Variants in NFIA observed in about 807,000 individuals in gnomAD.
The protein encoded by NFIA is nuclear factor I A, also known as nuclear factor 1 A-type.
In NFIA, 8 loss-of-function variants were observed where a neutral mutation model predicts 62.8. That is an observed-to-expected ratio of 0.13 (90% CI 0.07 to 0.23). NFIA has a LOEUF of 0.23. Among genes scored for constraint, NFIA ranks in the 10% least tolerant of loss-of-function variants. The probability of loss-of-function intolerance (pLI) is 1.00; values close to 1 mark genes in which losing one functional copy is unlikely to be tolerated. For missense variants in NFIA, 410 were observed against 642.1 expected (o/e 0.64, Z 3.91); for synonymous variants, 235 against 238.1 (o/e 0.99, Z 0.12).
chr1:61,136,928 T>C (rs1190635748), intron 2 of NFIA, among the ~76,000 whole-genome samples: 2 of 152,218 alleles, frequency 1.3e-5, no homozygotes, highest in African/African-American at 4.8e-5. Flanking sequence ...AAATAGTAAG[T>C]ATAGAACACT....
At chr1:61,164,883 C>G (rs1241741200) in intron 2 of NFIA, among the ~76,000 whole-genome samples, 1 of 152,160 alleles carries the variant, frequency 6.6e-6, no homozygotes, top group Non-Finnish European at 1.5e-5. Context: ...AACCCAACTG[C>G]AGGACCTGAA....
At chr1:61,273,166 T>TGTGAGG (rs1657617304) in intron 2 of NFIA, among the ~76,000 whole-genome samples, 1 of 152,196 alleles carries the variant, frequency 6.6e-6, no homozygotes, top group Non-Finnish European at 1.5e-5. Context: ...CAACAGCAGT[T>TGTGAGG]GTGAGGATTT....
At chr1:61,241,011 T>G (rs17377267) in intron 2 of NFIA, among the ~76,000 whole-genome samples, 6,775 of 151,780 alleles carry the variant, frequency 0.045, 216 homozygotes, top group Non-Finnish European at 0.064. Flanking sequence ...TACATGTTTT[T>G]GGTTTATAAT....
intron 2 of NFIA, among the ~76,000 whole-genome samples, chr1:61,260,327 ACTGTT>A: frequency 6.6e-6 from 1 of 152,314 alleles, no homozygotes; most frequent in Non-Finnish European, 1.5e-5. Context: ...AGACTATGTC[ACTGTT>A]CTGTTCTGCA....
At chr1:61,246,904 T>C (rs1344073060) in intron 2 of NFIA, among the ~76,000 whole-genome samples, 6 of 152,230 alleles carry the variant, frequency 3.9e-5, no homozygotes, top group Admixed American at 2.6e-4. Flanking sequence ...TATGACTTTT[T>C]ACAGGCCAGT....
chr1:61,223,394 C>T (rs1654135711), intron 2 of NFIA, among the ~76,000 whole-genome samples: 1 of 151,910 alleles, frequency 6.6e-6, no homozygotes, highest in East Asian at 1.9e-4. Context: ...GTGTCACATG[C>T]AGCTATGAGT....
intron 10 of NFIA, among the ~76,000 whole-genome samples, chr1:61,430,943 C>T (rs1667074832): frequency 6.6e-6 from 1 of 152,106 alleles, no homozygotes; most frequent in Non-Finnish European, 1.5e-5. Context: ...TTAGAACACC[C>T]ATCAATACTG....
chr1:61,388,942 A>G (rs777809534), intron 7 of NFIA, among the ~76,000 whole-genome samples: 5 of 152,008 alleles, frequency 3.3e-5, no homozygotes, highest in African/African-American at 1.2e-4. Flanking sequence ...GCAAGACCCT[A>G]TCTCTACAAA....
chr1:61,121,942 A>AC (rs1295595572), intron 2 of NFIA, among the ~76,000 whole-genome samples: 1 of 152,168 alleles, frequency 6.6e-6, no homozygotes, highest in Non-Finnish European at 1.5e-5. Flanking sequence ...GGCTGGAGCT[A>AC]CCTTCCCTGA....
chr1:61,196,465 C>G lies in NFIA; in HGVS notation c.560-81055C>G, dbSNP rs142272278. 9.9e-3 allele frequency among the ~76,000 whole-genome samples: 1,510 copies of G among 152,276 alleles called. 16 individuals are homozygous for G. The highest frequency in any genetic ancestry group is 0.058 in the Middle Eastern group (17 of 294). ...ATATATTTTCTTTTAGTTTTCTCTG[C>G]TACTCTTAAGGGTACATGTAAATAC... On this transcript the variant is annotated intron_variant, in intron 2 of 10. Transcript: ENST00000403491.
chr1:61,213,184 A>C (rs1383404950), intron 2 of NFIA, among the ~76,000 whole-genome samples: 1 of 152,246 alleles, frequency 6.6e-6, no homozygotes, highest in African/African-American at 2.4e-5. Flanking sequence ...TGTACAGGAT[A>C]TGAAAATGCT....
At chr1:61,417,289 G>A (rs1353142464) in intron 9 of NFIA, among the ~76,000 whole-genome samples, 2 of 146,774 alleles carry the variant, frequency 1.4e-5, no homozygotes, top group Non-Finnish European at 3.0e-5. Context: ...GTGTGTGTGT[G>A]TATACACATA....
chr1:61,110,216 C>T lies in NFIA; in HGVS notation c.559+21536C>T, dbSNP rs117797721. On this transcript the variant is annotated intron_variant, in intron 2 of 10. Coordinates refer to ENST00000403491, the MANE Select transcript of NFIA (RefSeq NM_001134673.4). ...ACAGGTATGCAATTTGGCTAAATGGCCATTTCCAAACCATAGCACACATTT... is the reference window on the plus strand; with the variant it reads ...ACAGGTATGCAATTTGGCTAAATGGTCATTTCCAAACCATAGCACACATTT... 2.0e-3 allele frequency among the ~76,000 whole-genome samples: 299 copies of T among 151,712 alleles called. 9 individuals carry two copies. In the East Asian group the frequency reaches 0.034, roughly 17 times the overall value.
In NFIA at chr1:61,304,066, G is replaced by A. The variant is rs576511971; in HGVS notation, c.625+26481G>A. The stretch of plus-strand genomic sequence containing the variant: ...AAGGTGGGCCAGATCACTTGAGGCC[G>A]GAAGTTCGAGACCAGCCTGGCCAAC... On this transcript the variant is annotated intron_variant, in intron 3 of 10. Transcript: ENST00000403491. Among the ~76,000 whole-genome samples the A allele has an allele frequency of 5.3e-5, 8 of 152,104 alleles. 1 individual carries two copies. Among genetic ancestry groups the A allele is most frequent in the South Asian group, 4.2e-4 (2 of 4,818 alleles).
At chr1:61,172,513 G>A (rs1359728508) in intron 2 of NFIA, among the ~76,000 whole-genome samples, 1 of 152,200 alleles carries the variant, frequency 6.6e-6, no homozygotes, top group Non-Finnish European at 1.5e-5. Context: ...TTTAGCATCT[G>A]AGCCCTTCCA....
In NFIA at chr1:61,327,247, T is replaced by G. The variant is rs949842037; in HGVS notation, c.626-5265T>G. Among the ~76,000 whole-genome samples, 3 of 151,536 alleles carry G rather than the reference T, an allele frequency of 2.0e-5. No homozygotes were observed. In the South Asian group the frequency reaches 6.2e-4, roughly 31 times the overall value. ...TTTACAGTATATATAAAAATATATA[T>G]TTACATATATATATTTCATTTCAGT... On this transcript the variant is annotated intron_variant, in intron 3 of 10. Transcript: ENST00000403491.
intron 2 of NFIA, among the ~76,000 whole-genome samples, chr1:61,199,885 C>T (rs1300651205): frequency 1.3e-5 from 2 of 151,044 alleles, no homozygotes; most frequent in African/African-American, 4.9e-5. Flanking sequence ...ATCGCAGCTA[C>T]TCTGGAGGCT....
intron 5 of NFIA, among the ~76,000 whole-genome samples, chr1:61,357,503 C>T (rs1231296669): frequency 6.6e-6 from 1 of 152,086 alleles, no homozygotes; most frequent in African/African-American, 2.4e-5. Flanking sequence ...GCAGCCCTGC[C>T]TCTGCCCTTT....
chr1:61,258,875 A>G (rs1239750353), intron 2 of NFIA, among the ~76,000 whole-genome samples: 1 of 152,014 alleles, frequency 6.6e-6, no homozygotes, highest in Non-Finnish European at 1.5e-5. Context: ...TTACAGGCAC[A>G]CATCACCACA....
Sources: gnomAD v4.1 joint callset for allele counts (sites outside exome capture counted in the v4.1 genomes callset) on GRCh38, gnomAD v4.1.1 for gene constraint, MANE v1.5 for transcripts, NCBI Gene and HGNC (gene_info 2026-07-23, HGNC 2026-07-21) for gene names.